Variants in MCC observed in about 807,000 individuals in gnomAD.
MCC encodes colorectal mutant cancer protein.
Under a neutral mutation model 116.2 loss-of-function variants are expected in MCC, and 90 were observed. That is an observed-to-expected ratio of 0.77 (90% CI 0.65 to 0.92). The LOEUF (loss-of-function observed/expected upper bound fraction) is 0.92. MCC is among the 40% of genes least tolerant of loss of function. The probability of loss-of-function intolerance (pLI) is 0.00; values close to 1 mark genes in which losing one functional copy is unlikely to be tolerated. For synonymous variants in MCC, 578 were observed against 510.5 expected, an observed-to-expected ratio of 1.13 and a Z score of -1.78; for missense variants, 1,516 against 1,312.2, an observed-to-expected ratio of 1.16 and a Z score of -2.40.
chr5:113,104,654 C>T, intron 6 of MCC: 1 of 237,720 alleles, frequency 4.2e-6, no homozygotes, highest in Non-Finnish European at 8.1e-6. Context: ...AGGCTGTTGG[C>T]ACTTCCAGAG....
intron 6 of MCC, among the ~76,000 whole-genome samples, chr5:113,104,822 C>A (rs918869188): frequency 6.6e-6 from 1 of 152,192 alleles, no homozygotes; most frequent in Non-Finnish European, 1.5e-5. Flanking sequence ...CCTCAATGAG[C>A]CTAAAACCAA....
At chr5:113,054,555 C>T (rs781544148) in intron 14 of MCC, among the ~76,000 whole-genome samples, 7 of 152,144 alleles carry the variant, frequency 4.6e-5, no homozygotes, top group Non-Finnish European at 7.4e-5. Context: ...GCCGTCCCTG[C>T]GGAGCAGCAC....
chr5:113,220,532 T>C (rs1763512258), intron 3 of MCC, among the ~76,000 whole-genome samples: 2 of 152,234 alleles, frequency 1.3e-5, no homozygotes, highest in African/African-American at 4.8e-5. Flanking sequence ...GTGCACGATC[T>C]TGCACATCTG....
intron 3 of MCC, among the ~76,000 whole-genome samples, chr5:113,313,892 C>T (rs544289470): frequency 1.6e-3 from 250 of 152,256 alleles, no homozygotes; most frequent in African/African-American, 5.7e-3. Context: ...GTGATCACAG[C>T]TCACTGCAGC....
chr5:113,082,637 C>CA (rs1754938213), intron 11 of MCC, among the ~76,000 whole-genome samples: 1 of 152,244 alleles, frequency 6.6e-6, no homozygotes, highest in African/African-American at 2.4e-5. Flanking sequence ...CCTTTCTAAG[C>CA]ATAAGGCCCA....
At chr5:113,161,382 C>T (rs1311088458) in intron 3 of MCC, among the ~76,000 whole-genome samples, 2 of 152,168 alleles carry the variant, frequency 1.3e-5, no homozygotes, top group Non-Finnish European at 2.9e-5. Context: ...TAAAAGGGTT[C>T]TCTGACAAGG....
chr5:113,342,464 T>G (rs1390975680), intron 2 of MCC, among the ~76,000 whole-genome samples: 2 of 152,222 alleles, frequency 1.3e-5, no homozygotes, highest in Non-Finnish European at 2.9e-5. Flanking sequence ...GCAGCTAGTA[T>G]TACCTTAATT....
intron 3 of MCC, among the ~76,000 whole-genome samples, chr5:113,177,856 T>C (rs899613593): frequency 1.2e-4 from 19 of 152,234 alleles, no homozygotes; most frequent in Non-Finnish European, 1.8e-4. Context: ...TAATGTATCA[T>C]ACTTAATCAT....
At chr5:113,272,771 C>T (rs1016180893) in intron 3 of MCC, among the ~76,000 whole-genome samples, 28 of 152,142 alleles carry the variant, frequency 1.8e-4, no homozygotes, top group Non-Finnish European at 4.4e-5. Flanking sequence ...TATGATAATG[C>T]TTGGATTGCA....
At chr5:113,069,184 C>T (rs1753848236) in intron 12 of MCC, among the ~76,000 whole-genome samples, 1 of 152,202 alleles carries the variant, frequency 6.6e-6, no homozygotes, top group South Asian at 2.1e-4. Flanking sequence ...ACAGTTCCAC[C>T]ATCACAGAAA....
chr5:113,096,238 C>T (rs571651483), intron 8 of MCC, among the ~76,000 whole-genome samples: 1 of 152,350 alleles, frequency 6.6e-6, no homozygotes, highest in East Asian at 1.9e-4. Context: ...GTAGAGGACA[C>T]TTGGAGAAGC....
chr5:113,113,268 G>A (rs10038215), intron 6 of MCC, among the ~76,000 whole-genome samples: 9,603 of 152,168 alleles, frequency 0.063, 695 homozygotes, highest in African/African-American at 0.18. Context: ...GTAGCTCTAC[G>A]GCTGAAACCA....
At chr5:113,395,530 C>T (rs181512550) in intron 1 of MCC, among the ~76,000 whole-genome samples, 87 of 152,270 alleles carry the variant, frequency 5.7e-4, no homozygotes, top group African/African-American at 1.5e-3. Flanking sequence ...GAGCACCAGG[C>T]GTATATGTAA....
At chr5:113,129,587 G>A (rs1268165590) in intron 5 of MCC, among the ~76,000 whole-genome samples, 2 of 152,166 alleles carry the variant, frequency 1.3e-5, no homozygotes, top group Non-Finnish European at 2.9e-5. Flanking sequence ...ATATGGCTGG[G>A]AGGAAGAGAA....
chr5:113,470,587 T>C (rs1332564973), intron 1 of MCC, among the ~76,000 whole-genome samples: 3 of 152,298 alleles, frequency 2.0e-5, no homozygotes, highest in South Asian at 4.1e-4. Flanking sequence ...GTGGGTAACC[T>C]GACCTTTCCC....
intron 2 of MCC, among the ~76,000 whole-genome samples, chr5:113,360,896 CTGGA>C (rs1270610706): frequency 5.9e-5 from 9 of 152,182 alleles, no homozygotes; most frequent in African/African-American, 2.2e-4. Flanking sequence ...GCAGAGGCCC[CTGGA>C]TGTCCTACTC....
chr5:113,106,173 TC>T (rs1756721051), intron 6 of MCC, among the ~76,000 whole-genome samples: 2 of 107,690 alleles, frequency 1.9e-5, no homozygotes, highest in Non-Finnish European at 1.9e-5. Flanking sequence ...CTCCTTCCCC[TC>T]ATTCACTATG....
chr5:113,325,091 T>G (rs1767519841), intron 3 of MCC, among the ~76,000 whole-genome samples: 2 of 152,074 alleles, frequency 1.3e-5, no homozygotes, highest in South Asian at 4.1e-4. Context: ...CCTCCTGCCT[T>G]GGCCTCTCAA....
In MCC at chr5:113,219,973, C is replaced by A. The variant is rs141420067; in HGVS notation, c.628-68551G>T. Among the ~76,000 whole-genome samples, 376 of 151,744 alleles carry A rather than the reference C, an allele frequency of 2.5e-3. 1 individual carries two copies. Among genetic ancestry groups the A allele is most frequent in the African/African-American group, 8.4e-3 (350 of 41,490 alleles). On this transcript the variant is annotated intron_variant, in intron 3 of 18. Coordinates refer to ENST00000408903, the MANE Select transcript of MCC (RefSeq NM_001085377.2). ...TTGAAATTAGATAGTATACATCCTC[C>A]GGGTTCATTCTTTTTCTAAGTTAAT...
Sources: allele counts gnomAD v4.1 joint callset (sites outside exome capture counted in the v4.1 genomes callset), GRCh38; gene constraint gnomAD v4.1.1; transcripts MANE v1.5; gene names NCBI Gene and HGNC (gene_info 2026-07-23, HGNC 2026-07-21).